The following TNFRSF21 variants were observed in gnomAD, a reference collection of about 807,000 sequenced individuals.
The protein encoded by TNFRSF21 is tumor necrosis factor receptor superfamily member 21.
Under a neutral mutation model 45.6 loss-of-function variants are expected in TNFRSF21, and 19 were observed. The ratio of observed to expected loss-of-function variants is 0.42; its 90% CI spans 0.29 to 0.61. The LOEUF (loss-of-function observed/expected upper bound fraction) is 0.61, where lower values mean the gene tolerates loss of function less well. TNFRSF21 is among the 20% of genes least tolerant of loss of function. The probability of loss-of-function intolerance (pLI) is 0.23; values close to 1 mark genes in which losing one functional copy is unlikely to be tolerated. For missense variants in TNFRSF21, 737 were observed against 851.5 expected, an observed-to-expected ratio of 0.87 and a Z score of 1.67; for synonymous variants, 314 against 335.5, an observed-to-expected ratio of 0.94 and a Z score of 0.70.
At chr6:47,240,811 G>A (rs887761637) in intron 4 of TNFRSF21, among the ~76,000 whole-genome samples, 31 of 152,178 alleles carry the variant, frequency 2.0e-4, no homozygotes, top group African/African-American at 7.5e-4. Context: ...TACCTCAACT[G>A]TAGCCAATAA....
intron 1 of TNFRSF21, among the ~76,000 whole-genome samples, chr6:47,300,140 G>A (rs921195118): frequency 1.3e-5 from 2 of 152,138 alleles, no homozygotes; most frequent in African/African-American, 4.8e-5. Context: ...ATTAAAAAGT[G>A]GCAGCCATAA....
chr6:47,246,875 AT>A (rs1764832392), intron 4 of TNFRSF21, among the ~76,000 whole-genome samples: 1 of 152,042 alleles, frequency 6.6e-6, no homozygotes, highest in South Asian at 2.1e-4. Context: ...CTTTCTATGT[AT>A]TTTTTTGGCA....
At position 47,284,265 on chromosome 6, in the gene TNFRSF21, G is replaced by A; in HGVS notation, c.916C>T (p.His306Tyr). The change falls in exon 3 of 6, where the codon CAC becomes TAC. Residue 306 changes from histidine to tyrosine, a missense_variant. Coordinates refer to ENST00000296861, the MANE Select transcript of TNFRSF21 (RefSeq NM_014452.5). ...QVVNHQQGPH[H>Y]RHILKLLPSM... ...GGCAGCAGCTTCAGGATGTGTCTGT[G>A]GTGGGGGCCTTGCTGGTGGTTGACT... The A allele has an allele frequency of 6.2e-7, 1 of 1,612,874 alleles. No individual in the cohort carries two copies. Among genetic ancestry groups the A allele is most frequent in the Non-Finnish European group, 8.5e-7 (1 of 1,179,314 alleles).
rs16875798 is a variant in TNFRSF21, at chr6:47,240,934, C to T, written c.1510-6036G>A. 2.8e-3 allele frequency among the ~76,000 whole-genome samples: 433 copies of T among 152,158 alleles called. 6 individuals carry two copies. The highest frequency in any genetic ancestry group is 9.8e-3 in the African/African-American group (406 of 41,512). On this transcript the variant is annotated intron_variant, in intron 4 of 5. Transcript: ENST00000296861. The stretch of plus-strand genomic sequence containing the variant: ...GTTTATCTCAAAGGAATTCTAGTCG[C>T]GAATAAATATAAAATTACAACTATT...
intron 1 of TNFRSF21, among the ~76,000 whole-genome samples, chr6:47,296,273 C>T (rs1451802036): frequency 1.3e-5 from 2 of 152,162 alleles, no homozygotes; most frequent in Non-Finnish European, 2.9e-5. Flanking sequence ...GCAACTCCAG[C>T]ATAAAAGCAC....
intron 4 of TNFRSF21, among the ~76,000 whole-genome samples, chr6:47,249,656 C>T (rs2113848472): frequency 6.6e-6 from 1 of 152,176 alleles, no homozygotes; most frequent in Non-Finnish European, 1.5e-5. Flanking sequence ...AATAACTCTG[C>T]CTTTTAGCAG....
chr6:47,288,781 T>G (rs1478929371), intron 1 of TNFRSF21, among the ~76,000 whole-genome samples: 1 of 152,208 alleles, frequency 6.6e-6, no homozygotes, highest in African/African-American at 2.4e-5. Flanking sequence ...TTTGCCTACA[T>G]GAAGCTAAAC....
At chr6:47,297,518 T>C (rs938023758) in intron 1 of TNFRSF21, among the ~76,000 whole-genome samples, 1 of 149,478 alleles carries the variant, frequency 6.7e-6, no homozygotes, top group African/African-American at 2.4e-5. Context: ...TACTTTTTTT[T>C]TTTTTTTTTT....
intron 3 of TNFRSF21, among the ~76,000 whole-genome samples, chr6:47,258,180 C>A (rs1765016783): frequency 6.6e-6 from 1 of 151,832 alleles, no homozygotes; most frequent in African/African-American, 2.4e-5. Flanking sequence ...ACCAGCCTGG[C>A]CAACATAGCG....
At chr6:47,298,164 T>C (rs967420201) in intron 1 of TNFRSF21, among the ~76,000 whole-genome samples, 2 of 151,658 alleles carry the variant, frequency 1.3e-5, no homozygotes, top group East Asian at 1.9e-4. Context: ...TCCCATGAGA[T>C]ATTAATGATT....
In TNFRSF21 at chr6:47,249,554, T is replaced by C. The variant is rs983105703; in HGVS notation, c.1509+3702A>G. On this transcript the variant is annotated intron_variant, in intron 4 of 5. Coordinates refer to ENST00000296861, the MANE Select transcript of TNFRSF21 (RefSeq NM_014452.5). ...AAGAAAAATTTTCTCAGGTAGAAGT[T>C]GAAGCTCCAGGAGGAAGGTATTAAG... 1.3e-4 allele frequency among the ~76,000 whole-genome samples: 20 copies of C among 152,270 alleles called. No individual in the cohort carries two copies. The East Asian group carries it at 3.3e-3, about 25-fold the overall frequency.
intron 4 of TNFRSF21, among the ~76,000 whole-genome samples, chr6:47,241,660 A>T (rs975122179): frequency 1.3e-5 from 2 of 152,222 alleles, no homozygotes; most frequent in Non-Finnish European, 2.9e-5. Flanking sequence ...ATAACAATTG[A>T]ATCTAGATGG....
At chr6:47,258,367 CA>C (rs1257173188) in intron 3 of TNFRSF21, among the ~76,000 whole-genome samples, 1 of 140,370 alleles carries the variant, frequency 7.1e-6, no homozygotes, top group Non-Finnish European at 1.5e-5. Context: ...AAAACTGTCT[CA>C]AAAAAAAGAA....
chr6:47,238,242 C>A (rs995798728), intron 4 of TNFRSF21, among the ~76,000 whole-genome samples: 1 of 152,186 alleles, frequency 6.6e-6, no homozygotes. Flanking sequence ...TGTGGCTGAG[C>A]TCCTCTCTAT....
At chr6:47,253,869 G>C (rs113529153) in intron 3 of TNFRSF21, among the ~76,000 whole-genome samples, 58 of 152,286 alleles carry the variant, frequency 3.8e-4, no homozygotes, top group African/African-American at 1.3e-3. Context: ...GGAGAGGGGT[G>C]GATAAGTTCC....
chr6:47,293,266 A>G (rs1487438897), intron 1 of TNFRSF21, among the ~76,000 whole-genome samples: 1 of 152,230 alleles, frequency 6.6e-6, no homozygotes, highest in Non-Finnish European at 1.5e-5. Flanking sequence ...TCCCTTGCAC[A>G]ACTACCTCAA....
At chr6:47,294,448 A>G (rs1292037604) in intron 1 of TNFRSF21, among the ~76,000 whole-genome samples, 1 of 152,166 alleles carries the variant, frequency 6.6e-6, no homozygotes, top group Non-Finnish European at 1.5e-5. Context: ...GGCTGCGCAC[A>G]GGTTTAAAAG....
intron 4 of TNFRSF21, among the ~76,000 whole-genome samples, chr6:47,243,757 C>T (rs564356858): frequency 1.8e-4 from 28 of 152,238 alleles, no homozygotes; most frequent in Non-Finnish European, 3.8e-4. Context: ...TCGTTTAACC[C>T]TTCTTGAGGT....
At chr6:47,299,423 G>C (rs1300836316) in intron 1 of TNFRSF21, among the ~76,000 whole-genome samples, 1 of 152,104 alleles carries the variant, frequency 6.6e-6, no homozygotes, top group Non-Finnish European at 1.5e-5. Context: ...GAACCTGGGA[G>C]GAAGAGGTTG....
Sources: allele counts gnomAD v4.1 joint callset (sites outside exome capture counted in the v4.1 genomes callset), GRCh38; gene constraint gnomAD v4.1.1; transcripts MANE v1.5; gene names NCBI Gene and HGNC (gene_info 2026-07-23, HGNC 2026-07-21).